Variants in SUGCT observed in about 807,000 individuals in gnomAD.
The protein encoded by SUGCT is succinyl-CoA:glutarate-CoA transferase, also known as succinyl-CoA:glutarate CoA-transferase.
Under a neutral mutation model 55.0 loss-of-function variants are expected in SUGCT, and 41 were observed. The ratio of observed to expected loss-of-function variants is 0.74; its 90% CI spans 0.58 to 0.97. SUGCT has a LOEUF of 0.97. SUGCT is among the 50% of genes least tolerant of loss of function. The probability of loss-of-function intolerance (pLI) is 0.00; values close to 1 mark genes in which losing one functional copy is unlikely to be tolerated. For synonymous variants in SUGCT, 187 were observed against 200.4 expected (o/e 0.93, Z 0.56); for missense variants, 568 against 547.8 (o/e 1.04, Z -0.37).
chr7:40,897,426 GACACACACACACACACACAC>G, the SUGCT span, among the ~76,000 whole-genome samples: 77 of 148,892 alleles, frequency 5.2e-4, no homozygotes, highest in African/African-American at 1.8e-3. Context: ...AATAAAGCTG[GACACACACACACACACACAC>G]ACACACACAC....
chr7:41,012,058 T>C, the SUGCT span, among the ~76,000 whole-genome samples: 1 of 152,172 alleles, frequency 6.6e-6, no homozygotes, highest in Admixed American at 6.5e-5. Context: ...GGAAGCCAAA[T>C]GGAGACAGTT....
At chr7:40,532,883 A>G (rs1197336687) in intron 12 of SUGCT, among the ~76,000 whole-genome samples, 2 of 152,180 alleles carry the variant, frequency 1.3e-5, no homozygotes, top group Non-Finnish European at 2.9e-5. Context: ...TTAAACCAAT[A>G]CCACATCATC....
At chr7:40,748,538 T>A (rs936162947) in intron 12 of SUGCT, among the ~76,000 whole-genome samples, 5 of 151,896 alleles carry the variant, frequency 3.3e-5, no homozygotes, top group African/African-American at 1.2e-4. Context: ...AGTTTTTTTA[T>A]GATTTTTGTT....
intron 13 of SUGCT, among the ~76,000 whole-genome samples, chr7:40,756,351 T>C (rs1370310271): frequency 2.6e-5 from 4 of 152,202 alleles, no homozygotes; most frequent in Admixed American, 6.5e-5. Flanking sequence ...TTTTTATTAA[T>C]GGACTGGCTA....
At chr7:40,349,332 A>G (rs1245381489) in intron 9 of SUGCT, among the ~76,000 whole-genome samples, 1 of 152,106 alleles carries the variant, frequency 6.6e-6, no homozygotes, top group African/African-American at 2.4e-5. Flanking sequence ...CCATTGCTTC[A>G]GTGACTAACT....
At chr7:40,534,740 T>C (rs1031703307) in intron 12 of SUGCT, among the ~76,000 whole-genome samples, 1 of 152,186 alleles carries the variant, frequency 6.6e-6, no homozygotes, top group African/African-American at 2.4e-5. Flanking sequence ...TATCTTTCAT[T>C]CTGATTTCCA....
chr7:40,223,730 T>C (rs879624241), intron 6 of SUGCT, among the ~76,000 whole-genome samples: 2 of 152,208 alleles, frequency 1.3e-5, no homozygotes, highest in Non-Finnish European at 2.9e-5. Context: ...TTTACTATCT[T>C]ATTTACTTGA....
intron 9 of SUGCT, among the ~76,000 whole-genome samples, chr7:40,401,171 A>C (rs1392217567): frequency 6.6e-6 from 1 of 152,160 alleles, no homozygotes; most frequent in Non-Finnish European, 1.5e-5. Flanking sequence ...ATATTTATAA[A>C]AATTATAGTG....
At chr7:40,341,149 C>T (rs890561748) in intron 9 of SUGCT, among the ~76,000 whole-genome samples, 1 of 152,142 alleles carries the variant, frequency 6.6e-6, no homozygotes, top group Non-Finnish European at 1.5e-5. Flanking sequence ...TGAGGAGACC[C>T]TACAATCTAT....
At chr7:40,908,756 T>C in the SUGCT span, among the ~76,000 whole-genome samples, 2 of 152,194 alleles carry the variant, frequency 1.3e-5, no homozygotes, top group Non-Finnish European at 2.9e-5. Flanking sequence ...CTTTGGAAGA[T>C]TCTTACAATT....
intron 9 of SUGCT, among the ~76,000 whole-genome samples, chr7:40,347,068 C>T (rs2151189716): frequency 6.6e-6 from 1 of 152,240 alleles, no homozygotes; most frequent in South Asian, 2.1e-4. Context: ...CTGGAAGTGG[C>T]TTTGGAACTG....
intron 12 of SUGCT, among the ~76,000 whole-genome samples, chr7:40,562,650 TG>T (rs1223355344): frequency 6.6e-6 from 1 of 152,138 alleles, no homozygotes; most frequent in African/African-American, 2.4e-5. Context: ...TATAATAGCC[TG>T]GGAGATGATG....
chr7:40,871,503 C>T, the SUGCT span, among the ~76,000 whole-genome samples: 1 of 152,206 alleles, frequency 6.6e-6, no homozygotes, highest in Admixed American at 6.5e-5. Flanking sequence ...GCAGAAGAAC[C>T]TGCCCATCTG....
chr7:40,305,164 G>A (rs1284466672), intron 8 of SUGCT, among the ~76,000 whole-genome samples: 3 of 152,224 alleles, frequency 2.0e-5, no homozygotes, highest in African/African-American at 7.2e-5. Flanking sequence ...GGAACAAGTG[G>A]GCTTGGGCTT....
the SUGCT span, among the ~76,000 whole-genome samples, chr7:40,988,085 A>G: frequency 1.3e-5 from 2 of 151,862 alleles, no homozygotes; most frequent in African/African-American, 4.8e-5. Flanking sequence ...TCTCCCCCAA[A>G]GAGCATGGCA....
At chr7:40,710,287 A>G (rs898477528) in intron 12 of SUGCT, among the ~76,000 whole-genome samples, 1 of 152,208 alleles carries the variant, frequency 6.6e-6, no homozygotes, top group African/African-American at 2.4e-5. Context: ...ATACATTTCT[A>G]CAGACACAAC....
At chr7:40,653,277 G>A (rs1224545993) in intron 12 of SUGCT, among the ~76,000 whole-genome samples, 2 of 152,222 alleles carry the variant, frequency 1.3e-5, no homozygotes, top group Non-Finnish European at 2.9e-5. Context: ...ACACTTGAAT[G>A]TGTAACTACA....
chr7:40,422,381 C>A (rs1787355395), intron 9 of SUGCT, among the ~76,000 whole-genome samples: 1 of 152,178 alleles, frequency 6.6e-6, no homozygotes, highest in South Asian at 2.1e-4. Context: ...TATGGAAAAT[C>A]TCAACATGTC....
chr7:40,135,230 G>A lies in SUGCT; in HGVS notation c.100+110G>A. ...GTCTGAAGTCTCTGCTGACCCCTTA[G>A]CGGTGGCTTTGCTCGCCTCCCTGCA... On this transcript the variant is annotated intron_variant, in intron 1 of 13. Coordinates refer to ENST00000335693, the MANE Select transcript of SUGCT (RefSeq NM_001193313.2). 3 of 1,311,556 alleles carry A rather than the reference G, an allele frequency of 2.3e-6. 1 individual carries two copies. In the South Asian group the frequency reaches 5.1e-5, roughly 22 times the overall value. 81.2% of individuals were successfully genotyped at this position (1,311,556 alleles called of 1,614,324 possible). A position where few individuals can be genotyped will look rare whatever the true frequency, so the allele number is the denominator to read the frequency against.
Sources: allele counts gnomAD v4.1 joint callset (sites outside exome capture counted in the v4.1 genomes callset), GRCh38; gene constraint gnomAD v4.1.1; transcripts MANE v1.5; gene names NCBI Gene and HGNC (gene_info 2026-07-23, HGNC 2026-07-21).